The following TRIM14 variants were observed in gnomAD, a reference collection of about 807,000 sequenced individuals.
The protein encoded by TRIM14 is tripartite motif-containing protein 14.
A neutral mutation model predicts 44.5 loss-of-function variants in TRIM14; 28 were observed. The observed-to-expected ratio is 0.63, with a 90% CI of 0.47 to 0.86. TRIM14 has a LOEUF of 0.86. Ranked by LOEUF, TRIM14 falls within the 40% of genes least tolerant of loss-of-function variation. TRIM14 has a pLI of 0.00. For missense variants in TRIM14, 607 were observed against 611.1 expected, an observed-to-expected ratio of 0.99 and a Z score of 0.07; for synonymous variants, 299 against 269.2, an observed-to-expected ratio of 1.11 and a Z score of -1.08.
Position 98,095,302 on chromosome 9 carries a change from G to T in TRIM14, c.538-273C>A, listed in dbSNP as rs187482346. Among the ~76,000 whole-genome samples the T allele has an allele frequency of 6.2e-4, 94 of 152,298 alleles. No homozygotes were observed. The highest frequency in any genetic ancestry group is 2.3e-3 in the African/African-American group (94 of 41,560). On this transcript the variant is annotated intron_variant, in intron 3 of 5. Transcript: ENST00000341469. This position sits in a 1 kb window ranked among gnomAD's most constrained non-coding sequence, Gnocchi z 4.1. ...CTTCCTCCTTTCCTTCCTTCCTTAC[G>T]TGTTCATTGAAACCTACTCTGTGCC...
At chr9:98,092,412 C>T in intron 4 of TRIM14, 1 of 304,666 alleles carries the variant, frequency 3.3e-6, no homozygotes, top group Non-Finnish European at 6.7e-6. Flanking sequence ...TTGCTGTGCC[C>T]TCTGCCTGGA....
the TRIM14 span, among the ~76,000 whole-genome samples, chr9:98,038,683 T>C: frequency 2.0e-5 from 3 of 152,206 alleles, no homozygotes; most frequent in Admixed American, 6.5e-5. Flanking sequence ...CTGAGTTACT[T>C]TAGTGCTGGA....
downstream of TRIM14, chr9:98,082,945 C>T (rs763824205): frequency 1.9e-6 from 3 of 1,613,980 alleles, no homozygotes; most frequent in African/African-American, 2.7e-5. Context: ...AGGCTATCCT[C>T]CTGAAGACAT....
the TRIM14 span, among the ~76,000 whole-genome samples, chr9:98,046,641 A>G: frequency 6.1e-4 from 93 of 152,122 alleles, no homozygotes; most frequent in Admixed American, 5.2e-3. Context: ...GGGTTTCACC[A>G]TATTGGCCAG....
chr9:98,117,808 G>T (rs954090400), intron 1 of TRIM14, among the ~76,000 whole-genome samples: 2 of 152,188 alleles, frequency 1.3e-5, no homozygotes, highest in African/African-American at 4.8e-5. Flanking sequence ...GTTGACAGTA[G>T]GTAGTGGGTA....
At chr9:98,081,362 C>T (rs1647222341), downstream of TRIM14, 3 of 455,644 alleles carry the variant, frequency 6.6e-6, no homozygotes, top group Non-Finnish European at 7.9e-6. Context: ...AAGCCCATGG[C>T]CCCAGTACTC....
intron 1 of TRIM14, among the ~76,000 whole-genome samples, chr9:98,117,236 T>C (rs1265499838): frequency 6.6e-6 from 1 of 152,114 alleles, no homozygotes; most frequent in Non-Finnish European, 1.5e-5. Flanking sequence ...GACTCCCCAG[T>C]GGAATAGGTT....
the TRIM14 span, among the ~76,000 whole-genome samples, chr9:98,058,273 A>C: frequency 1.3e-5 from 2 of 152,188 alleles, no homozygotes; most frequent in South Asian, 4.1e-4. Context: ...TCATAAAAAT[A>C]CTTTACAAAA....
Position 98,087,427 on chromosome 9 carries a change from G to T in TRIM14, c.*43C>A. ...ATCTAGGTAGATTAGGCGAGACTGG[G>T]CAGCTGCGGCGTACCTGGAGGCTGT... On this transcript the variant is annotated 3_prime_UTR_variant, in exon 6 of 6. Coordinates refer to ENST00000341469, the MANE Select transcript of TRIM14 (RefSeq NM_014788.4). 6.2e-7 allele frequency: 1 copy of T among 1,608,446 alleles called. No individual in the cohort carries two copies. The highest frequency in any genetic ancestry group is 2.2e-5 in the East Asian group (1 of 44,746).
intron 2 of TRIM14, among the ~76,000 whole-genome samples, chr9:98,109,661 G>A (rs534214544): frequency 4.6e-5 from 7 of 152,310 alleles, no homozygotes; most frequent in South Asian, 2.1e-4. Context: ...AAAGGAAACC[G>A]GAGCTCAGGG....
At chr9:98,080,827 G>A, downstream of TRIM14, 1 of 1,581,214 alleles carries the variant, frequency 6.3e-7, no homozygotes. Context: ...AATATCAGAA[G>A]CTCTTTCCTG....
At chr9:98,057,922 G>GGTT in the TRIM14 span, among the ~76,000 whole-genome samples, 2 of 78,084 alleles carry the variant, frequency 2.6e-5, no homozygotes, top group African/African-American at 5.4e-5. Context: ...TTTTTTCCTG[G>GGTT]TTTTTTTTTT....
At chr9:98,056,999 G>A in the TRIM14 span, 1 of 1,494,648 alleles carries the variant, frequency 6.7e-7, no homozygotes, top group Non-Finnish European at 8.9e-7. Flanking sequence ...GGGCGGGGCC[G>A]CGGGGAGCCA....
intron 3 of TRIM14, 145 bp downstream of exon 3, chr9:98,099,785 TG>T (rs1315325978): frequency 2.1e-5 from 14 of 670,606 alleles, no homozygotes; most frequent in Non-Finnish European, 3.6e-5. Flanking sequence ...CTTGACCACC[TG>T]TGTGGGGGCA....
intron 6 of TRIM14, chr9:98,075,426 G>A: frequency 6.7e-6 from 1 of 149,940 alleles, no homozygotes; most frequent in Non-Finnish European, 1.5e-5. Context: ...GAGAGAGGGA[G>A]GGAAGGAAAG....
downstream of TRIM14, among the ~76,000 whole-genome samples, chr9:98,067,609 AT>A (rs1249731979): frequency 6.6e-6 from 1 of 151,944 alleles, no homozygotes; most frequent in Non-Finnish European, 1.5e-5. Flanking sequence ...AAATTTAATT[AT>A]TTTTTCATGT....
chr9:98,082,750 C>A, downstream of TRIM14: 1 of 1,192,516 alleles, frequency 8.4e-7, no homozygotes, highest in Non-Finnish European at 1.2e-6. Context: ...AAGGTACTGC[C>A]TGGGGAAGAC....
At chr9:98,103,831 C>T (rs1050122704) in intron 2 of TRIM14, among the ~76,000 whole-genome samples, 10 of 72,732 alleles carry the variant, frequency 1.4e-4, no homozygotes, top group South Asian at 7.1e-4. Flanking sequence ...AGCGAGACTC[C>T]GTCTCAAAAA....
Position 98,113,457 on chromosome 9 carries a change from C to T in TRIM14, c.208-3473G>A, listed in dbSNP as rs549689074. 7.9e-5 allele frequency among the ~76,000 whole-genome samples: 12 copies of T among 152,278 alleles called. No homozygotes were observed. In the East Asian group the frequency reaches 2.3e-3, roughly 29 times the overall value. The stretch of plus-strand genomic sequence containing the variant: ...GCAGCCTTGACCTCCCAGGCTCAAG[C>T]AATCCTCCTGCCTCAGCCCCCCAAG... On this transcript the variant is annotated intron_variant, in intron 1 of 5. Coordinates refer to ENST00000341469, the MANE Select transcript of TRIM14 (RefSeq NM_014788.4).
Sources: gnomAD v4.1 joint callset for allele counts (sites outside exome capture counted in the v4.1 genomes callset) on GRCh38, gnomAD v4.1.1 for gene constraint, Gnocchi (gnomAD v3.1) non-coding constraint, MANE v1.5 for transcripts, NCBI Gene and HGNC (gene_info 2026-07-23, HGNC 2026-07-21) for gene names.